NMNAT3: variants seen among roughly 807,000 people sequenced by gnomAD.
NMNAT3 encodes nicotinamide/nicotinic acid mononucleotide adenylyltransferase 3.
Under a neutral mutation model 24.8 loss-of-function variants are expected in NMNAT3, and 21 were observed. That is an observed-to-expected ratio of 0.85 (90% CI 0.60 to 1.22). The LOEUF is 1.22. NMNAT3 is among the 50% of genes most tolerant of loss of function. The pLI is 0.00. For missense variants in NMNAT3, 387 were observed against 436.6 expected, an observed-to-expected ratio of 0.89 and a Z score of 1.01; for synonymous variants, 136 against 155.2, an observed-to-expected ratio of 0.88 and a Z score of 0.92.
intron 1 of NMNAT3, among the ~76,000 whole-genome samples, chr3:139,642,532 G>A (rs1280420874): frequency 6.6e-6 from 1 of 152,178 alleles, no homozygotes; most frequent in Non-Finnish European, 1.5e-5. Flanking sequence ...GCTGCCCTGG[G>A]AACTTTTCAG....
chr3:139,622,800 G>GAT (rs1218027385), intron 3 of NMNAT3, among the ~76,000 whole-genome samples: 59 of 136,530 alleles, frequency 4.3e-4, no homozygotes, highest in Admixed American at 1.4e-3. Context: ...TGATATATAT[G>GAT]ATATATATAT....
chr3:139,574,500 T>C lies in NMNAT3; in HGVS notation c.576-820A>G, dbSNP rs79986979. ...TCTTCTGCAAATCATGAGATACTTA[T>C]ATATGCTTTTGTCAAACACAGGCAA... On this transcript the variant is annotated intron_variant, in intron 5 of 6. Transcript: ENST00000643695. Among the ~76,000 whole-genome samples, 361 of 152,366 alleles carry C rather than the reference T, an allele frequency of 2.4e-3. 2 individuals are homozygous for C. Among genetic ancestry groups the C allele is most frequent in the African/African-American group, 8.3e-3 (347 of 41,582 alleles).
At chr3:139,625,041 AG>A (rs1384056752) in intron 3 of NMNAT3, among the ~76,000 whole-genome samples, 1 of 152,214 alleles carries the variant, frequency 6.6e-6, no homozygotes, top group Non-Finnish European at 1.5e-5. Flanking sequence ...AAGTGCAAAA[AG>A]CGTATTACTT....
At chr3:139,607,755 T>C (rs1378445287) in intron 3 of NMNAT3, among the ~76,000 whole-genome samples, 1 of 152,222 alleles carries the variant, frequency 6.6e-6, no homozygotes, top group Non-Finnish European at 1.5e-5. Flanking sequence ...TCCTATCTTC[T>C]ACCCCTTTGC....
rs554479559 is a variant in NMNAT3 at position 139,603,615 on chromosome 3, C to T, written c.110-20407G>A. Reference sequence around the variant, plus strand: ...ATTAATAGCACCACTACCATCCTACCGTGCCCAGCGAGACAACTGCCATCA... The same window carrying T: ...ATTAATAGCACCACTACCATCCTACTGTGCCCAGCGAGACAACTGCCATCA... On this transcript the variant is annotated intron_variant, in intron 3 of 6. Transcript: ENST00000643695. Among the ~76,000 whole-genome samples, 7 of 126,738 alleles carry T rather than the reference C, an allele frequency of 5.5e-5. No homozygotes were observed. In the South Asian group the frequency reaches 9.9e-4, roughly 18 times the overall value. 83.1% of individuals were successfully genotyped at this position (126,738 alleles called of 152,430 possible).
intron 1 of NMNAT3, among the ~76,000 whole-genome samples, chr3:139,662,849 A>G (rs1476960405): frequency 6.6e-6 from 1 of 151,808 alleles, no homozygotes; most frequent in Non-Finnish European, 1.5e-5. Context: ...ATGACCCCCC[A>G]ATCAATATTA....
At chr3:139,619,019 A>G (rs1164205555) in intron 3 of NMNAT3, among the ~76,000 whole-genome samples, 1 of 152,014 alleles carries the variant, frequency 6.6e-6, no homozygotes, top group Non-Finnish European at 1.5e-5. Context: ...CTGTGCATAT[A>G]TGCTGCCTAA....
intron 3 of NMNAT3, among the ~76,000 whole-genome samples, chr3:139,592,734 A>G (rs1003502000): frequency 3.9e-5 from 6 of 152,172 alleles, no homozygotes; most frequent in African/African-American, 1.4e-4. Context: ...TCATAAGTGA[A>G]GGAGAAATAA....
At chr3:139,645,506 A>C (rs1446427894) in intron 1 of NMNAT3, among the ~76,000 whole-genome samples, 1 of 152,060 alleles carries the variant, frequency 6.6e-6, no homozygotes, top group African/African-American at 2.4e-5. Flanking sequence ...TTTCTCTGTT[A>C]TTCTTAGAAC....
chr3:139,593,359 A>T (rs538176648), intron 3 of NMNAT3, among the ~76,000 whole-genome samples: 1 of 152,140 alleles, frequency 6.6e-6, no homozygotes, highest in Non-Finnish European at 1.5e-5. Context: ...CACAATAATA[A>T]TGGGAGACTT....
At chr3:139,596,956 A>ATG (rs2054507568) in intron 3 of NMNAT3, among the ~76,000 whole-genome samples, 1 of 85,106 alleles carries the variant, frequency 1.2e-5, no homozygotes, top group Non-Finnish European at 2.5e-5. Context: ...ATATATATAT[A>ATG]TATATATATT....
At chr3:139,592,820 C>A (rs2054260478) in intron 3 of NMNAT3, among the ~76,000 whole-genome samples, 1 of 152,104 alleles carries the variant, frequency 6.6e-6, no homozygotes, top group Admixed American at 6.6e-5. Flanking sequence ...CTGAAGGAAG[C>A]ACTAAACATG....
At chr3:139,638,785 T>C (rs145867794) in intron 1 of NMNAT3, among the ~76,000 whole-genome samples, 39 of 152,302 alleles carry the variant, frequency 2.6e-4, no homozygotes, top group African/African-American at 9.4e-4. Context: ...CACATCAACA[T>C]GCTGATTCCC....
intron 3 of NMNAT3, among the ~76,000 whole-genome samples, chr3:139,600,347 A>C (rs1369375125): frequency 2.7e-5 from 4 of 149,546 alleles, no homozygotes; most frequent in Non-Finnish European, 5.9e-5. Flanking sequence ...CTCTTGTAGC[A>C]CTGGCTAGAG....
chr3:139,653,187 T>A (rs1293605887), intron 1 of NMNAT3, among the ~76,000 whole-genome samples: 3 of 151,874 alleles, frequency 2.0e-5, no homozygotes, highest in Non-Finnish European at 4.4e-5. Context: ...AAATTACTTA[T>A]GTTTGGATTA....
intron 3 of NMNAT3, among the ~76,000 whole-genome samples, chr3:139,611,965 C>T (rs1054290907): frequency 3.9e-5 from 6 of 152,202 alleles, no homozygotes; most frequent in African/African-American, 1.2e-4. Flanking sequence ...GTCGGGAGTT[C>T]GAGACCAGCC....
intron 1 of NMNAT3, among the ~76,000 whole-genome samples, chr3:139,663,840 C>T (rs998006030): frequency 1.3e-5 from 2 of 152,184 alleles, no homozygotes; most frequent in Non-Finnish European, 2.9e-5. Flanking sequence ...ACTTCCTTCT[C>T]TCCCTGGCTG....
intron 3 of NMNAT3, among the ~76,000 whole-genome samples, chr3:139,600,280 C>T (rs1172660718): frequency 6.6e-6 from 1 of 151,716 alleles, no homozygotes; most frequent in East Asian, 1.9e-4. Context: ...AGGGTTTAAA[C>T]TTCCCTTTGG....
At chr3:139,656,554 G>A (rs536811091) in intron 1 of NMNAT3, among the ~76,000 whole-genome samples, 1 of 152,198 alleles carries the variant, frequency 6.6e-6, no homozygotes, top group Non-Finnish European at 1.5e-5. Flanking sequence ...TTGGGAGGCT[G>A]AGGCAGGCAG....
Sources: gnomAD v4.1 joint callset for allele counts (sites outside exome capture counted in the v4.1 genomes callset) on GRCh38, gnomAD v4.1.1 for gene constraint, MANE v1.5 for transcripts, NCBI Gene and HGNC (gene_info 2026-07-23, HGNC 2026-07-21) for gene names.